LRFN5: variants seen among roughly 807,000 people sequenced by gnomAD.
The protein encoded by LRFN5 is leucine-rich repeat and fibronectin type-III domain-containing protein 5.
Under a neutral mutation model 45.6 loss-of-function variants are expected in LRFN5, and 24 were observed. The ratio of observed to expected loss-of-function variants is 0.53; its 90% CI spans 0.38 to 0.74. LRFN5 has a LOEUF of 0.74. LRFN5 is among the 30% of genes least tolerant of loss of function. The pLI, the probability that LRFN5 is intolerant of heterozygous loss-of-function variation, is 0.00. For synonymous variants in LRFN5, 340 were observed against 313.8 expected, an observed-to-expected ratio of 1.08 and a Z score of -0.88; for missense variants, 776 against 861.5, an observed-to-expected ratio of 0.90 and a Z score of 1.24.
intron 1 of LRFN5, among the ~76,000 whole-genome samples, chr14:41,674,819 G>T (rs563400860): frequency 6.6e-6 from 1 of 150,846 alleles, no homozygotes; most frequent in African/African-American, 2.4e-5. Flanking sequence ...GGCGGCTGCC[G>T]GGAGGAGGGG....
chr14:41,630,595 A>G (rs1414692410), intron 1 of LRFN5, among the ~76,000 whole-genome samples: 1 of 152,126 alleles, frequency 6.6e-6, no homozygotes, highest in Non-Finnish European at 1.5e-5. Flanking sequence ...CAGTAATGAA[A>G]CATTGAGTAG....
chr14:41,664,722 A>G (rs1353323106), intron 1 of LRFN5, among the ~76,000 whole-genome samples: 1 of 152,050 alleles, frequency 6.6e-6, no homozygotes, highest in Non-Finnish European at 1.5e-5. Context: ...AACAAAAAAA[A>G]GTGGCAAAAA....
chr14:41,892,519 C>T, intron 4 of LRFN5: 3 of 972,456 alleles, frequency 3.1e-6, no homozygotes, highest in Non-Finnish European at 3.7e-6. Context: ...CAAAGGGCCA[C>T]CTATGGATAA....
intron 2 of LRFN5, among the ~76,000 whole-genome samples, chr14:41,802,870 G>A (rs1011086965): frequency 5.3e-5 from 8 of 152,088 alleles, no homozygotes; most frequent in Non-Finnish European, 8.8e-5. Flanking sequence ...TGAGATTGTG[G>A]CAGAAAACAG....
At chr14:41,618,607 A>C (rs543914594) in intron 1 of LRFN5, among the ~76,000 whole-genome samples, 1 of 152,266 alleles carries the variant, frequency 6.6e-6, no homozygotes, top group South Asian at 2.1e-4. Context: ...AGAAGAACTA[A>C]CCAGCTGAGG....
At chr14:41,640,897 CA>C (rs1879544199) in intron 1 of LRFN5, among the ~76,000 whole-genome samples, 3 of 152,104 alleles carry the variant, frequency 2.0e-5, no homozygotes, top group African/African-American at 7.2e-5. Flanking sequence ...TTGCTTGTAT[CA>C]GCAAAATATG....
At chr14:41,793,846 C>G (rs1380301411) in intron 2 of LRFN5, among the ~76,000 whole-genome samples, 1 of 152,070 alleles carries the variant, frequency 6.6e-6, no homozygotes, top group Non-Finnish European at 1.5e-5. Flanking sequence ...TGTTCAGTTA[C>G]TTTGGGGGTT....
In LRFN5 at chr14:41,702,529, C is replaced by T. The variant is rs146337394; in HGVS notation, c.-196-64325C>T. Among the ~76,000 whole-genome samples, 306 of 152,224 alleles carry T rather than the reference C, an allele frequency of 2.0e-3. 2 individuals carry two copies. Among genetic ancestry groups the T allele is most frequent in the African/African-American group, 6.4e-3 (266 of 41,542 alleles). On this transcript the variant is annotated intron_variant, in intron 1 of 5. Transcript: ENST00000298119. ...CCAGGGTGGAGAGCAGTGACACAAT[C>T]GTAGCTCATTACACTCTCAAACTCC...
intron 2 of LRFN5, among the ~76,000 whole-genome samples, chr14:41,768,784 G>A (rs919348061): frequency 6.6e-6 from 1 of 152,086 alleles, no homozygotes; most frequent in East Asian, 1.9e-4. Context: ...AAAGCTGTTA[G>A]CAAAGGAACT....
intron 1 of LRFN5, among the ~76,000 whole-genome samples, chr14:41,745,411 A>C (rs950243244): frequency 3.3e-5 from 5 of 152,078 alleles, no homozygotes; most frequent in Non-Finnish European, 7.4e-5. Context: ...TTAGCTATAC[A>C]TGCTTACATT....
At chr14:41,902,810 G>C (rs1288288840) in intron 5 of LRFN5, among the ~76,000 whole-genome samples, 1 of 151,330 alleles carries the variant, frequency 6.6e-6, no homozygotes, top group African/African-American at 2.4e-5. Flanking sequence ...CACCTTTTTT[G>C]TGTCAAAGGG....
At chr14:41,888,714 A>T (rs1484443042) in intron 3 of LRFN5, among the ~76,000 whole-genome samples, 1 of 152,096 alleles carries the variant, frequency 6.6e-6, no homozygotes, top group East Asian at 1.9e-4. Flanking sequence ...AAATAATTTG[A>T]GCAGTGAAAG....
intron 2 of LRFN5, among the ~76,000 whole-genome samples, chr14:41,838,467 A>G (rs137969804): frequency 3.2e-4 from 49 of 152,238 alleles, no homozygotes; most frequent in African/African-American, 1.2e-3. Flanking sequence ...CTAGTTATGA[A>G]GTTGTTTCTA....
At chr14:41,649,595 G>A (rs116740839) in intron 1 of LRFN5, among the ~76,000 whole-genome samples, 389 of 152,192 alleles carry the variant, frequency 2.6e-3, no homozygotes, top group African/African-American at 8.7e-3. Flanking sequence ...ACCCTGCTGC[G>A]TCAGTTTAGC....
intron 1 of LRFN5, among the ~76,000 whole-genome samples, chr14:41,755,027 G>T (rs1308488327): frequency 6.6e-6 from 1 of 152,124 alleles, no homozygotes; most frequent in Non-Finnish European, 1.5e-5. Flanking sequence ...TATGTACCCG[G>T]TAGTCATTCA....
intron 1 of LRFN5, among the ~76,000 whole-genome samples, chr14:41,682,545 G>T (rs1881949328): frequency 6.6e-6 from 1 of 151,756 alleles, no homozygotes. Flanking sequence ...TTTTTGAAAA[G>T]ACAAACAATT....
intron 1 of LRFN5, among the ~76,000 whole-genome samples, chr14:41,721,556 C>T (rs1275973140): frequency 6.6e-6 from 1 of 152,044 alleles, no homozygotes; most frequent in Non-Finnish European, 1.5e-5. Flanking sequence ...TTCTTTAAGG[C>T]TGATATAGTG....
chr14:41,673,290 A>C (rs563016496), intron 1 of LRFN5, among the ~76,000 whole-genome samples: 2 of 147,506 alleles, frequency 1.4e-5, no homozygotes, highest in East Asian at 2.0e-4. Flanking sequence ...CAGTAGGGGC[A>C]GCCGGGCAGA....
intron 1 of LRFN5, among the ~76,000 whole-genome samples, chr14:41,649,182 C>T (rs542411584): frequency 2.4e-4 from 36 of 152,124 alleles, no homozygotes; most frequent in Non-Finnish European, 3.4e-4. Flanking sequence ...TTGCAGTGAG[C>T]TGAGATTGCG....
Sources: gnomAD v4.1 joint callset for allele counts (sites outside exome capture counted in the v4.1 genomes callset) on GRCh38, gnomAD v4.1.1 for gene constraint, MANE v1.5 for transcripts, NCBI Gene and HGNC (gene_info 2026-07-23, HGNC 2026-07-21) for gene names.